The following MYO3A variants were observed in gnomAD, a reference collection of about 807,000 sequenced individuals.
The protein encoded by MYO3A is myosin-IIIa.
A neutral mutation model predicts 192.7 loss-of-function variants in MYO3A; 180 were observed. That is an observed-to-expected ratio of 0.93 (90% confidence interval 0.83 to 1.06). MYO3A has a LOEUF of 1.06. MYO3A is among the 50% of genes least tolerant of loss of function. The pLI is 0.00. For missense variants in MYO3A, 1,896 were observed against 1,905.0 expected (o/e 1.00, Z 0.09); for synonymous variants, 628 against 645.3 (o/e 0.97, Z 0.41).
chr10:26,146,098 T>C (rs1035091225), intron 22 of MYO3A, among the ~76,000 whole-genome samples: 3 of 152,130 alleles, frequency 2.0e-5, no homozygotes, highest in Non-Finnish European at 4.4e-5. Flanking sequence ...ATGAATGGAT[T>C]ATGATGCAGT....
intron 4 of MYO3A, among the ~76,000 whole-genome samples, chr10:25,965,893 G>C (rs1374551562): frequency 6.6e-6 from 1 of 151,714 alleles, no homozygotes; most frequent in African/African-American, 2.4e-5. Context: ...AGAAACTCTG[G>C]GCACCACCCA....
chr10:26,194,158 A>T lies in MYO3A; in HGVS notation c.4545+847A>T, dbSNP rs113107858. The stretch of plus-strand genomic sequence containing the variant: ...TATTTCAGACTATTAATCATTTCCC[A>T]CTGTGGAATATTTCAGGTCCCACGT... On this transcript the variant is annotated intron_variant, in intron 32 of 34. Coordinates refer to ENST00000642920, the MANE Select transcript of MYO3A (RefSeq NM_017433.5). Among the ~76,000 whole-genome samples, 292 of 152,024 alleles carry T rather than the reference A, an allele frequency of 1.9e-3. 1 individual carries two copies. The highest frequency in any genetic ancestry group is 6.8e-3 in the African/African-American group (281 of 41,438).
At chr10:25,937,041 G>T (rs1836127693) in intron 2 of MYO3A, among the ~76,000 whole-genome samples, 1 of 152,092 alleles carries the variant, frequency 6.6e-6, no homozygotes, top group Non-Finnish European at 1.5e-5. Flanking sequence ...GCCTGAAATT[G>T]GCCTTTAGAA....
intron 32 of MYO3A, 46 bp downstream of exon 32, chr10:26,193,357 T>C (rs1843247034): frequency 6.9e-7 from 1 of 1,444,182 alleles, no homozygotes. Flanking sequence ...TCACATCTAC[T>C]AATGGCCAGT....
At chr10:26,082,609 A>G (rs140364202) in intron 14 of MYO3A, among the ~76,000 whole-genome samples, 39 of 152,308 alleles carry the variant, frequency 2.6e-4, no homozygotes, top group African/African-American at 7.7e-4. Context: ...CAAACCCTAT[A>G]TATACTATTT....
intron 4 of MYO3A, among the ~76,000 whole-genome samples, chr10:25,988,278 T>C (rs1004240244): frequency 2.0e-5 from 3 of 152,120 alleles, no homozygotes; most frequent in Non-Finnish European, 4.4e-5. Context: ...GCTCGGGTGA[T>C]GGGTGCACCA....
rs185431128 is a variant in MYO3A, at chr10:26,024,132, G to T, written c.797+45G>T. 135 of 1,513,938 alleles carry T rather than the reference G, an allele frequency of 8.9e-5. No homozygotes were observed. The African/African-American group carries it at 1.7e-3, about 19-fold the overall frequency. 93.8% of individuals were successfully genotyped at this position (1,513,938 alleles called of 1,614,324 possible). On this transcript the variant is annotated intron_variant, in intron 9 of 34. Coordinates refer to ENST00000642920, the MANE Select transcript of MYO3A (RefSeq NM_017433.5). Reference sequence around the variant, plus strand: ...TAAAAAACCAAAGATATTCCCTCCTGCTATAACTAAATCTCCTCCTATTTC... The same window carrying T: ...TAAAAAACCAAAGATATTCCCTCCTTCTATAACTAAATCTCCTCCTATTTC...
chr10:26,065,604 A>AAAAT (rs1834781411), intron 10 of MYO3A, among the ~76,000 whole-genome samples: 1 of 129,864 alleles, frequency 7.7e-6, no homozygotes, highest in African/African-American at 2.7e-5. Flanking sequence ...AAAAAAAAAA[A>AAAAT]AAAAAAAAAG....
At chr10:25,971,030 C>G (rs1336005703) in intron 4 of MYO3A, among the ~76,000 whole-genome samples, 1 of 152,100 alleles carries the variant, frequency 6.6e-6, no homozygotes, top group Non-Finnish European at 1.5e-5. Flanking sequence ...TATTATTGCT[C>G]TAGCTCTATT....
chr10:26,021,480 T>C, intron 7 of MYO3A, 23 bp from the exon 8 acceptor site: 1 of 1,612,966 alleles, frequency 6.2e-7, no homozygotes, highest in Non-Finnish European at 8.5e-7. Flanking sequence ...ATTTCACCTT[T>C]TGATGGTGTG....
intron 19 of MYO3A, 41 bp downstream of exon 19, chr10:26,125,649 G>C: frequency 6.6e-7 from 1 of 1,507,368 alleles, no homozygotes; most frequent in South Asian, 1.1e-5. Context: ...CAAATGTCAG[G>C]TGATGTAAGT....
At chr10:26,007,360 T>C (rs2130975180) in intron 6 of MYO3A, among the ~76,000 whole-genome samples, 2 of 149,430 alleles carry the variant, frequency 1.3e-5, no homozygotes, top group South Asian at 4.2e-4. Flanking sequence ...CTATTCAACA[T>C]AGTGTTGGAA....
intron 17 of MYO3A, among the ~76,000 whole-genome samples, chr10:26,099,523 T>C (rs1388979710): frequency 3.3e-5 from 5 of 152,208 alleles, no homozygotes; most frequent in Non-Finnish European, 7.3e-5. Flanking sequence ...TTTCTGCCAA[T>C]TCAGTATGAT....
Position 26,125,602 on chromosome 10 carries a change from C to T in MYO3A, c.2108C>T (p.Ser703Leu). The T allele has an allele frequency of 6.2e-7, 1 of 1,613,828 alleles. No individual in the cohort carries two copies. Among genetic ancestry groups the T allele is most frequent in the Non-Finnish European group, 8.5e-7 (1 of 1,179,786 alleles). ...AACAGTTTGTTGAAGCATGACTCAT[C>T]ACCAAGGTAAAAATTTTTACAGAAA... ...CINSLLKHDS[S>L]PSGNGDELSI... is the part of the protein sequence containing the mutation. Residue 703 changes from serine (S) to leucine (L), a missense_variant, in exon 19 of 35, where the codon TCA becomes TTA. Ser to Leu is a moderately radical substitution (Grantham distance 145). Transcript: ENST00000642920.
intron 17 of MYO3A, among the ~76,000 whole-genome samples, chr10:26,105,675 G>GT (rs749425374): frequency 6.6e-6 from 1 of 151,744 alleles, no homozygotes; most frequent in African/African-American, 2.4e-5. Context: ...TGTCATATTT[G>GT]TTTACCATAA....
At chr10:25,976,072 G>A (rs551011370) in intron 4 of MYO3A, among the ~76,000 whole-genome samples, 98 of 152,254 alleles carry the variant, frequency 6.4e-4, no homozygotes, top group African/African-American at 2.0e-3. Flanking sequence ...TGCTAAAATG[G>A]CTAAAATTAA....
At chr10:25,965,375 G>A (rs1375943627) in intron 4 of MYO3A, among the ~76,000 whole-genome samples, 2 of 152,040 alleles carry the variant, frequency 1.3e-5, no homozygotes, top group African/African-American at 4.8e-5. Flanking sequence ...ATTCTGATTG[G>A]TACCCTGTCC....
chr10:26,023,934 A>G (rs1449528513), intron 8 of MYO3A, 88 bp from the exon 9 acceptor site: 2 of 1,141,972 alleles, frequency 1.8e-6, no homozygotes, highest in East Asian at 2.4e-5. Context: ...GGCAGAACCT[A>G]GGATTGCATT....
chr10:26,141,148 C>T (rs762376440), intron 20 of MYO3A, among the ~76,000 whole-genome samples: 2 of 152,044 alleles, frequency 1.3e-5, no homozygotes, highest in Admixed American at 6.6e-5. Flanking sequence ...AGGATGGTCT[C>T]GATCTTCTGA....
Sources: gnomAD v4.1 joint callset for allele counts (sites outside exome capture counted in the v4.1 genomes callset) on GRCh38, gnomAD v4.1.1 for gene constraint, MANE v1.5 for transcripts, NCBI Gene and HGNC (gene_info 2026-07-23, HGNC 2026-07-21) for gene names.